GNAS-AS1: variants seen among roughly 807,000 people sequenced by gnomAD.
GNAS-AS1 encodes the protein GNAS antisense RNA 1, also known as GNAS antisense RNA 1 (non-protein coding).
At chr20:58,842,220 G>A (rs376640570) in exon 4 of GNAS-AS1, 1 of 398,428 alleles carries the variant, frequency 2.5e-6, no homozygotes, top group East Asian at 3.6e-5. Context: ...GCCAGTCCTG[G>A]GGGGAAAGAC....
At chr20:58,846,161 AAAG>A (rs779236333) in intron 2 of GNAS-AS1, among the ~76,000 whole-genome samples, 3 of 152,316 alleles carry the variant, frequency 2.0e-5, no homozygotes, top group East Asian at 1.9e-4. Flanking sequence ...AAGGAGCAGA[AAAG>A]AAGATTTAGA....
chr20:58,848,269 T>C (rs2086013740), intron 2 of GNAS-AS1, among the ~76,000 whole-genome samples: 1 of 152,186 alleles, frequency 6.6e-6, no homozygotes, highest in African/African-American at 2.4e-5. Flanking sequence ...CCTCCCCTAC[T>C]TGACACATCA....
At position 58,840,518 on chromosome 20, in the gene GNAS-AS1, G is replaced by A. The variant is rs201438798; in HGVS notation, n.819+1419C>T. 3.8e-5 allele frequency: 61 copies of A among 1,613,562 alleles called. No homozygotes were observed. Among genetic ancestry groups the A allele is most frequent in the Middle Eastern group, 1.6e-4 (1 of 6,062 alleles). ...TGAGACCGCCCCCACCACTGAGCCC[G>A]AGACCGAGCCTGAAGACGATCGCGG... On this transcript the variant is annotated intron_variant and non_coding_transcript_variant, in intron 4 of 4. Transcript: ENST00000424094. The surrounding 1 kb of genome is among the most constrained non-coding windows in gnomAD (Gnocchi z 6.0).
At chr20:58,829,033 G>A (rs890510386) in intron 4 of GNAS-AS1, among the ~76,000 whole-genome samples, 7 of 124,950 alleles carry the variant, frequency 5.6e-5, no homozygotes, top group East Asian at 2.4e-4. Context: ...TGGCCCCACC[G>A]CCCCACTCAA....
intron 4 of GNAS-AS1, chr20:58,826,730 T>C (rs1233394976): frequency 6.6e-6 from 1 of 152,050 alleles, no homozygotes; most frequent in Non-Finnish European, 1.5e-5. Context: ...TTTTTTTTCT[T>C]TTTTTAGACA....
rs1260900500 is a variant in GNAS-AS1 at position 58,841,851 on chromosome 20, C to T, written n.819+86G>A. The T allele has an allele frequency of 8.1e-7, 1 of 1,230,896 alleles. No individual in the cohort carries two copies. Among genetic ancestry groups the T allele is most frequent in the Non-Finnish European group, 1.0e-6 (1 of 987,966 alleles). 76.2% of individuals were successfully genotyped at this position (1,230,896 alleles called of 1,614,324 possible). ...CTGTTTGCGCAGGACCTCTGGAGGC[C>T]CTCGAGATCGTCGCAAGTGGAAAGG... On this transcript the variant is annotated intron_variant and non_coding_transcript_variant, in intron 4 of 4. Transcript: ENST00000424094. The surrounding 1 kb of genome is among the most constrained non-coding windows in gnomAD (Gnocchi z 5.0).
In GNAS-AS1 at chr20:58,841,206, C is replaced by T; in HGVS notation, n.819+731G>A. 1 of 622,884 alleles carries T rather than the reference C, an allele frequency of 1.6e-6. No homozygotes were observed. The highest frequency in any genetic ancestry group is 2.3e-6 in the Non-Finnish European group (1 of 436,820). 38.6% of individuals were successfully genotyped at this position (622,884 alleles called of 1,614,324 possible). The stretch of plus-strand genomic sequence containing the variant: ...AACGCACCCCAGATTTGGAGCTGCA[C>T]ACCCAAACGGCATTGGTAAGTCACT... On this transcript the variant is annotated intron_variant and non_coding_transcript_variant, in intron 4 of 4. Coordinates refer to ENST00000424094, the Ensembl canonical transcript of GNAS-AS1. This position sits in a 1 kb window ranked among gnomAD's most constrained non-coding sequence, Gnocchi z 5.0.
intron 4 of GNAS-AS1, chr20:58,839,992 G>A (rs151179443): frequency 0.011 from 12,556 of 1,174,274 alleles, 163 homozygotes; most frequent in Admixed American, 0.051. Context: ...GGACCTCCGG[G>A]CCAGCTTCTC....
At chr20:58,833,030 C>T (rs979359064) in intron 4 of GNAS-AS1, among the ~76,000 whole-genome samples, 2 of 152,284 alleles carry the variant, frequency 1.3e-5, no homozygotes, top group African/African-American at 4.8e-5. Context: ...CCTGCACCAT[C>T]TCCACCAGGT....
At chr20:58,848,453 C>T (rs560706909) in intron 2 of GNAS-AS1, among the ~76,000 whole-genome samples, 5 of 152,330 alleles carry the variant, frequency 3.3e-5, no homozygotes, top group African/African-American at 1.2e-4. Flanking sequence ...TCAGTCCTAT[C>T]ACATATTTAT....
At chr20:58,822,130 G>C (rs889366724) in intron 4 of GNAS-AS1, among the ~76,000 whole-genome samples, 3 of 152,212 alleles carry the variant, frequency 2.0e-5, no homozygotes, top group Admixed American at 1.3e-4. Flanking sequence ...TGGCTCCCCA[G>C]ACCCGGCCAT....
At chr20:58,826,001 T>A in intron 4 of GNAS-AS1, 1 of 398,582 alleles carries the variant, frequency 2.5e-6, no homozygotes, top group Non-Finnish European at 4.4e-6. Context: ...ATTCTCTTTC[T>A]CCTGAGCTTG....
chr20:58,836,740 C>T (rs1035880947), intron 4 of GNAS-AS1, among the ~76,000 whole-genome samples: 1 of 152,188 alleles, frequency 6.6e-6, no homozygotes, highest in South Asian at 2.1e-4. Context: ...TGCTCGACCT[C>T]GGCACTAAGT....
chr20:58,825,589 G>C (rs566105683), intron 4 of GNAS-AS1, among the ~76,000 whole-genome samples: 2 of 152,232 alleles, frequency 1.3e-5, no homozygotes, highest in Non-Finnish European at 2.9e-5. Context: ...TTAGAGAGAA[G>C]TGTGAAGTGC....
intron 2 of GNAS-AS1, chr20:58,848,735 T>C (rs2086038540): frequency 2.5e-6 from 1 of 393,720 alleles, no homozygotes; most frequent in African/African-American, 2.1e-5. Flanking sequence ...CACTAGCCGA[T>C]CACCCCCAGC....
At chr20:58,848,685 G>A (rs2086036653) in intron 2 of GNAS-AS1, among the ~76,000 whole-genome samples, 1 of 152,100 alleles carries the variant, frequency 6.6e-6, no homozygotes. Context: ...CACCAGACAA[G>A]CCAACCAATC....
In GNAS-AS1 at chr20:58,840,347, G is replaced by A; in HGVS notation, n.819+1590C>T. ...CGCCCAGGTATTCCCTGAGTCCCCC[G>A]AATCGGAATCTGACCACGAGCACGA... On this transcript the variant is annotated intron_variant and non_coding_transcript_variant, in intron 4 of 4. Coordinates refer to ENST00000424094, the Ensembl canonical transcript of GNAS-AS1. The surrounding 1 kb of genome is among the most constrained non-coding windows in gnomAD (Gnocchi z 6.0). 6.2e-7 allele frequency: 1 copy of A among 1,613,168 alleles called. No individual in the cohort carries two copies. Among genetic ancestry groups the A allele is most frequent in the Non-Finnish European group, 8.5e-7 (1 of 1,179,998 alleles).
rs2085733265 is a variant in GNAS-AS1, at chr20:58,841,643, C to A, written n.819+294G>T. 2 of 1,101,368 alleles carry A rather than the reference C, an allele frequency of 1.8e-6. No homozygotes were observed. The allele number at this position is 1,101,368 out of a possible 1,614,324, so 68.2% of individuals were successfully genotyped here. ...GCGCGCCGGAGCTGACCTCTCCCGG[C>A]GGCGGGCGGTTAGGGGAAAGTACCT... is the stretch of plus-strand genomic sequence containing the variant. On this transcript the variant is annotated intron_variant and non_coding_transcript_variant, in intron 4 of 4. Coordinates refer to ENST00000424094, the Ensembl canonical transcript of GNAS-AS1. The surrounding 1 kb of genome is among the most constrained non-coding windows in gnomAD (Gnocchi z 5.0).
intron 4 of GNAS-AS1, among the ~76,000 whole-genome samples, chr20:58,819,837 C>T (rs2085473582): frequency 6.6e-6 from 1 of 152,200 alleles, no homozygotes; most frequent in East Asian, 1.9e-4. Flanking sequence ...ACCTTTGTCA[C>T]GGACAAAAAA....
Sources: gnomAD v4.1 joint callset for allele counts (sites outside exome capture counted in the v4.1 genomes callset) on GRCh38, gnomAD v4.1.1 for gene constraint, Gnocchi (gnomAD v3.1) non-coding constraint, MANE v1.5 for transcripts, NCBI Gene and HGNC (gene_info 2026-07-23, HGNC 2026-07-21) for gene names.